Variants in PALM2AKAP2 observed in about 807,000 individuals in gnomAD.
PALM2AKAP2 encodes the protein PALM2-AKAP2 fusion protein.
A neutral mutation model predicts 71.5 loss-of-function variants in PALM2AKAP2; 37 were observed. The ratio of observed to expected loss-of-function variants is 0.52; its 90% confidence interval spans 0.40 to 0.68. PALM2AKAP2 has a LOEUF of 0.68. Among genes scored for constraint, PALM2AKAP2 ranks in the 30% least tolerant of loss-of-function variants. The probability of loss-of-function intolerance (pLI) is 0.00; values close to 1 mark genes in which losing one functional copy is unlikely to be tolerated. For synonymous variants in PALM2AKAP2, 468 were observed against 478.8 expected, an observed-to-expected ratio of 0.98 and a Z score of 0.29; for missense variants, 1,224 against 1,191.8, an observed-to-expected ratio of 1.03 and a Z score of -0.40.
chr9:110,167,330 T>G (rs761613412), intron 3 of PALM2AKAP2, among the ~76,000 whole-genome samples: 13 of 152,234 alleles, frequency 8.5e-5, no homozygotes, highest in Non-Finnish European at 1.6e-4. Context: ...TTGGCTCTAC[T>G]GGACTTTTCT....
At chr9:109,935,083 C>A (rs890767249) in intron 6 of PALM2AKAP2, among the ~76,000 whole-genome samples, 5 of 152,184 alleles carry the variant, frequency 3.3e-5, no homozygotes, top group Non-Finnish European at 7.3e-5. Context: ...ATTTCAAACA[C>A]GCGCAGTTCC....
At chr9:110,032,042 C>T (rs927446148) in intron 7 of PALM2AKAP2, among the ~76,000 whole-genome samples, 4 of 110,784 alleles carry the variant, frequency 3.6e-5, no homozygotes, top group South Asian at 2.8e-4. Context: ...AGTAAATAAG[C>T]AAAGCTTAGC....
At chr9:109,916,048 A>AT (rs1161815273) in intron 3 of PALM2AKAP2, among the ~76,000 whole-genome samples, 5 of 151,942 alleles carry the variant, frequency 3.3e-5, no homozygotes, top group Admixed American at 6.6e-5. Flanking sequence ...GGTTCAAGCG[A>AT]TTCTCCTGCC....
intron 1 of PALM2AKAP2, among the ~76,000 whole-genome samples, chr9:109,664,136 T>G (rs2118466232): frequency 6.6e-6 from 1 of 152,332 alleles, no homozygotes; most frequent in Non-Finnish European, 1.5e-5. Context: ...TCTTGACTCT[T>G]TCTCCAATTT....
intron 1 of PALM2AKAP2, among the ~76,000 whole-genome samples, chr9:110,131,320 T>C (rs552593927): frequency 3.8e-4 from 58 of 152,350 alleles, no homozygotes; most frequent in African/African-American, 1.2e-3. Flanking sequence ...CCTTAGTTTT[T>C]CTCTGACCTT....
rs528692101 is a variant in PALM2AKAP2, at chr9:109,961,631, T to C, written c.496+29603T>C. ...CCATATGGTCGTGTGACCTCTGGCA[T>C]GGAGATGGGCATCTCTGCTTTGTCA... On this transcript the variant is annotated intron_variant, in intron 6 of 9. Transcript: ENST00000302798. Among the ~76,000 whole-genome samples the C allele has an allele frequency of 1.2e-4, 18 of 152,348 alleles. No individual in the cohort carries two copies. The South Asian group carries it at 3.7e-3, about 32-fold the overall frequency.
intron 1 of PALM2AKAP2, among the ~76,000 whole-genome samples, chr9:110,104,261 TTTCA>T (rs1835066146): frequency 6.6e-6 from 1 of 152,164 alleles, no homozygotes; most frequent in Non-Finnish European, 1.5e-5. Flanking sequence ...TTTGTTGGGA[TTTCA>T]GATGTTTAGC....
chr9:110,133,670 C>T (rs1835783311), intron 1 of PALM2AKAP2, among the ~76,000 whole-genome samples: 1 of 152,066 alleles, frequency 6.6e-6, no homozygotes, highest in Admixed American at 6.6e-5. Context: ...CTCCGCCCAC[C>T]CCGGCCCCCA....
At chr9:110,008,391 C>T (rs1456344176) in intron 6 of PALM2AKAP2, among the ~76,000 whole-genome samples, 2 of 151,704 alleles carry the variant, frequency 1.3e-5, no homozygotes, top group Non-Finnish European at 2.9e-5. Flanking sequence ...GCCTGGGCAA[C>T]ATGGTGAAAC....
chr9:110,158,896 C>T (rs980624384), intron 3 of PALM2AKAP2, among the ~76,000 whole-genome samples: 2 of 152,196 alleles, frequency 1.3e-5, no homozygotes, highest in African/African-American at 4.8e-5. Flanking sequence ...TCTAAAACAA[C>T]AAATTCAGAT....
At chr9:109,791,267 T>C (rs945633502) in intron 1 of PALM2AKAP2, among the ~76,000 whole-genome samples, 1 of 152,224 alleles carries the variant, frequency 6.6e-6, no homozygotes, top group Non-Finnish European at 1.5e-5. Flanking sequence ...ATATTGACTC[T>C]GAAAAATACA....
At chr9:109,670,901 G>A (rs745508886) in intron 1 of PALM2AKAP2, among the ~76,000 whole-genome samples, 45 of 152,036 alleles carry the variant, frequency 3.0e-4, no homozygotes, top group Admixed American at 1.4e-3. Context: ...ATAATTGTTG[G>A]CCACATGTAT....
chr9:110,117,405 A>G (rs920453909), intron 1 of PALM2AKAP2, among the ~76,000 whole-genome samples: 1 of 152,124 alleles, frequency 6.6e-6, no homozygotes, highest in African/African-American at 2.4e-5. Context: ...GATTACAGAC[A>G]CGAGCCACTG....
At chr9:109,965,993 C>G (rs909123657) in intron 6 of PALM2AKAP2, among the ~76,000 whole-genome samples, 1 of 152,096 alleles carries the variant, frequency 6.6e-6, no homozygotes. Context: ...CATGAAGCTC[C>G]TGTGTGTGGT....
upstream of PALM2AKAP2, among the ~76,000 whole-genome samples, chr9:110,047,962 C>T (rs1342849281): frequency 1.3e-5 from 2 of 152,254 alleles, no homozygotes; most frequent in Non-Finnish European, 2.9e-5. Context: ...CAGCTGCCTC[C>T]TTCCCCTCCG....
chr9:109,945,111 T>A (rs1027546425), intron 6 of PALM2AKAP2: 1 of 152,192 alleles, frequency 6.6e-6, no homozygotes, highest in Non-Finnish European at 1.5e-5. Flanking sequence ...CTATTGCTTT[T>A]TTTTAATCTC....
chr9:110,014,958 A>C (rs1313842615), intron 6 of PALM2AKAP2, among the ~76,000 whole-genome samples: 1 of 150,642 alleles, frequency 6.6e-6, no homozygotes, highest in Non-Finnish European at 1.5e-5. Flanking sequence ...CAATTTTACT[A>C]TATTGTGTTT....
Position 109,970,567 on chromosome 9 carries a change from A to G in PALM2AKAP2, c.496+38539A>G, listed in dbSNP as rs183124329. ...ATCCAGCCTCCTCTTACAACTACTT[A>G]CAATGCAAAAAGAATTACAGTGTAG... On this transcript the variant is annotated intron_variant, in intron 6 of 9. Transcript: ENST00000302798. 3.9e-4 allele frequency among the ~76,000 whole-genome samples: 60 copies of G among 152,350 alleles called. 1 individual carries two copies. Among genetic ancestry groups the G allele is most frequent in the Admixed American group, 3.6e-3 (55 of 15,304 alleles).
intron 1 of PALM2AKAP2, among the ~76,000 whole-genome samples, chr9:109,714,755 C>T (rs1402532019): frequency 6.6e-6 from 1 of 152,166 alleles, no homozygotes; most frequent in African/African-American, 2.4e-5. Context: ...CAGGTGAGCC[C>T]CTCTCTAGGA....
Sources: allele counts gnomAD v4.1 joint callset (sites outside exome capture counted in the v4.1 genomes callset), GRCh38; gene constraint gnomAD v4.1.1; transcripts MANE v1.5; gene names NCBI Gene and HGNC (gene_info 2026-07-23, HGNC 2026-07-21).